The following PPCS variants were observed in gnomAD, a reference collection of about 807,000 sequenced individuals.
PPCS encodes phosphopantothenate--cysteine ligase.
PPCS carries 17 observed loss-of-function variants against 24.6 expected under a neutral mutation model. That is an observed-to-expected ratio of 0.69 (90% CI 0.47 to 1.04). The LOEUF (loss-of-function observed/expected upper bound fraction) is 1.04, where lower values mean the gene tolerates loss of function less well. PPCS is among the 50% of genes least tolerant of loss of function. The pLI is 0.00. For missense variants in PPCS, 360 were observed against 402.8 expected (o/e 0.89, Z 0.91); for synonymous variants, 190 against 168.3 (o/e 1.13, Z -1.00).
At chr1:42,459,567 T>C in intron 2 of PPCS, 36 bp from the exon 3 acceptor site, 1 of 1,561,298 alleles carries the variant, frequency 6.4e-7, no homozygotes, top group African/African-American at 1.4e-5. Flanking sequence ...GTAATGACCA[T>C]TGTTTGCTTA....
chr1:42,461,384 G>C (rs1483807318), downstream of PPCS, among the ~76,000 whole-genome samples: 1 of 152,118 alleles, frequency 6.6e-6, no homozygotes. Flanking sequence ...CACCCAGGTT[G>C]GAGTGCAGTG....
chr1:42,460,871 C>G lies in PPCS; in HGVS notation c.*945C>G, dbSNP rs751305853. Among the ~76,000 whole-genome samples, 1 of 152,242 alleles carries G rather than the reference C, an allele frequency of 6.6e-6. No individual in the cohort carries two copies. Among genetic ancestry groups the G allele is most frequent in the Admixed American group, 6.5e-5 (1 of 15,290 alleles). On this transcript the variant is annotated 3_prime_UTR_variant, in exon 3 of 3. Coordinates refer to ENST00000372561, the MANE Select transcript of PPCS (RefSeq NM_024664.4). ...TGGTGCCTAGCATTTGATTCACACT[C>G]ACTAAATGGTTGCAATTATTGTTTT...
chr1:42,468,725 AT>A (rs1275488414), intron 2 of PPCS: 1 of 152,218 alleles, frequency 6.6e-6, no homozygotes, highest in Non-Finnish European at 1.5e-5. Context: ...TGAGGTAGGC[AT>A]TACTATTACA....
downstream of PPCS, among the ~76,000 whole-genome samples, chr1:42,461,932 G>C (rs1157118170): frequency 6.6e-6 from 1 of 152,214 alleles, no homozygotes; most frequent in Admixed American, 6.5e-5. Flanking sequence ...AGTGGCTGCA[G>C]TACTGAAGGG....
chr1:42,461,581 C>G (rs568927529), downstream of PPCS, among the ~76,000 whole-genome samples: 88 of 147,226 alleles, frequency 6.0e-4, 1 homozygote, highest in African/African-American at 2.2e-3. Flanking sequence ...GAGTCTTGCT[C>G]TGTCGTCCTG....
At chr1:42,458,901 GC>G (rs1176613062) in intron 2 of PPCS, among the ~76,000 whole-genome samples, 1 of 152,206 alleles carries the variant, frequency 6.6e-6, no homozygotes, top group Non-Finnish European at 1.5e-5. Flanking sequence ...TTCTACCAAT[GC>G]AAGAAATATT....
In PPCS at chr1:42,459,738, TATCA is replaced by T; in HGVS notation, c.749_752del (p.Tyr250CysfsTer20). 3.1e-6 allele frequency: 5 copies of T among 1,614,206 alleles called. No individual in the cohort carries two copies. The highest frequency in any genetic ancestry group is 4.2e-6 in the Non-Finnish European group (5 of 1,180,044). Reference sequence around the variant, plus strand: ...TCGAGCTCGGAAGGCTTTGGAAATTTATCAGCATCAAGTGGTGGTGGCTAATATC... The same window carrying T: ...TCGAGCTCGGAAGGCTTTGGAAATTTGCATCAAGTGGTGGTGGCTAATATC... On this transcript the variant is annotated frameshift_variant, in exon 3 of 3. Transcript: ENST00000372561. LOFTEE classifies it high-confidence loss of function.
At position 42,459,969 on chromosome 1, in the gene PPCS, A is replaced by T; in HGVS notation, c.*43A>T. 1 of 1,533,072 alleles carries T rather than the reference A, an allele frequency of 6.5e-7. No homozygotes were observed. The highest frequency in any genetic ancestry group is 8.7e-7 in the Non-Finnish European group (1 of 1,147,526). 95.0% of individuals were successfully genotyped at this position (1,533,072 alleles called of 1,614,324 possible). A position where few individuals can be genotyped will look rare whatever the true frequency, so the allele number is the denominator to read the frequency against. The stretch of plus-strand genomic sequence containing the variant: ...GGATCAAAAATTGTTCAGGGCTCTT[A>T]GAGATGGTGAAAACTACAAAAAAAA... On this transcript the variant is annotated 3_prime_UTR_variant, in exon 3 of 3. Coordinates refer to ENST00000372561, the MANE Select transcript of PPCS (RefSeq NM_024664.4).
downstream of PPCS, chr1:42,463,413 T>G (rs753806527): frequency 1.3e-5 from 2 of 152,246 alleles, no homozygotes; most frequent in Non-Finnish European, 2.9e-5. Context: ...GGTTCCTGCC[T>G]CAGCCCCAAG....
downstream of PPCS, among the ~76,000 whole-genome samples, chr1:42,461,795 C>A (rs958569680): frequency 4.6e-5 from 7 of 152,028 alleles, no homozygotes; most frequent in African/African-American, 1.7e-4. Flanking sequence ...TCTGCCCGCC[C>A]CGGCCTTCCA....
chr1:42,460,355 G>T lies in PPCS; in HGVS notation c.*429G>T. ...ATAAACATATCTTGTTTAGGAAATG[G>T]ATGTATAAAAAAATCAAGTGCAATA... is the stretch of plus-strand genomic sequence containing the variant. On this transcript the variant is annotated 3_prime_UTR_variant, in exon 3 of 3. Coordinates refer to ENST00000372561, the MANE Select transcript of PPCS (RefSeq NM_024664.4). 1.0e-6 allele frequency: 1 copy of T among 987,026 alleles called. No individual in the cohort carries two copies. Among genetic ancestry groups the T allele is most frequent in the Non-Finnish European group, 1.2e-6 (1 of 830,590 alleles). 61.1% of individuals were successfully genotyped at this position (987,026 alleles called of 1,614,324 possible).
intron 2 of PPCS, chr1:42,472,982 G>A: frequency 1.5e-6 from 1 of 672,144 alleles, no homozygotes; most frequent in Non-Finnish European, 2.0e-6. Context: ...GGTTCAGGTA[G>A]CTTACTAGCT....
chr1:42,468,366 G>A (rs1359921394), intron 2 of PPCS, among the ~76,000 whole-genome samples: 1 of 152,140 alleles, frequency 6.6e-6, no homozygotes, highest in Non-Finnish European at 1.5e-5. Flanking sequence ...CAGCTATCTT[G>A]TCTGAATTCC....
chr1:42,465,013 T>C (rs1331740520), downstream of PPCS, among the ~76,000 whole-genome samples: 2 of 152,198 alleles, frequency 1.3e-5, no homozygotes, highest in Non-Finnish European at 2.9e-5. Context: ...AACCTAACTC[T>C]TGAAAAAAGT....
rs1367366111 is a variant in PPCS at position 42,457,402 on chromosome 1, T to C, written c.612+52T>C. The C allele has an allele frequency of 4.7e-6, 7 of 1,502,026 alleles. No homozygotes were observed. In the African/African-American group the frequency reaches 6.9e-5, roughly 15 times the overall value. The allele number at this position is 1,502,026 out of a possible 1,614,324, so 93.0% of individuals were successfully genotyped here. The stretch of plus-strand genomic sequence containing the variant: ...CTAATCCCATATAACCAATCTTGGG[T>C]TAATTTCCTCTTGATCTGGAGATGG... On this transcript the variant is annotated intron_variant, in intron 2 of 2. Coordinates refer to ENST00000372561, the MANE Select transcript of PPCS (RefSeq NM_024664.4).
rs755679446 is a variant in PPCS, at chr1:42,459,798, G to C, written c.808G>C (p.Val270Leu). The C allele has an allele frequency of 3.1e-6, 5 of 1,614,122 alleles. No homozygotes were observed. In the African/African-American group the frequency reaches 6.7e-5, roughly 22 times the overall value. Residue 270 changes from valine to leucine, a missense_variant, in exon 3 of 3, where the codon GTA (valine) becomes CTA (leucine). By Grantham distance (32) the Val-to-Leu change is conservative. Transcript: ENST00000372561. Reference protein sequence around the residue: ...LESRQSFVFIVTKDSETKLLL... With the variant: ...LESRQSFVFILTKDSETKLLL... ...GTCACGACAGTCCTTTGTGTTTATTGTAACCAAAGACTCGGAAACCAAGTT... is the reference window on the plus strand; with the variant it reads ...GTCACGACAGTCCTTTGTGTTTATTCTAACCAAAGACTCGGAAACCAAGTT...
chr1:42,470,581 G>A (rs1194450120), intron 2 of PPCS, among the ~76,000 whole-genome samples: 2 of 152,200 alleles, frequency 1.3e-5, no homozygotes, highest in African/African-American at 4.8e-5. Flanking sequence ...ACAGGTGAAT[G>A]TATAAATAAA....
At chr1:42,456,526 G>T, upstream of PPCS, 1 of 1,437,430 alleles carries the variant, frequency 7.0e-7, no homozygotes, top group South Asian at 1.5e-5. Flanking sequence ...GTGGCGCGGC[G>T]GCCGCGAAAC....
chr1:42,461,650 C>CAGGG (rs1557780652), downstream of PPCS, among the ~76,000 whole-genome samples: 1 of 151,816 alleles, frequency 6.6e-6, no homozygotes, highest in Non-Finnish European at 1.5e-5. Context: ...GGGTTCACAC[C>CAGGG]ATTCTCCTTC....
Sources: allele counts gnomAD v4.1 joint callset (sites outside exome capture counted in the v4.1 genomes callset), GRCh38; gene constraint gnomAD v4.1.1; transcripts MANE v1.5; gene names NCBI Gene and HGNC (gene_info 2026-07-23, HGNC 2026-07-21).